The following CSTF2 variants were observed in gnomAD, a reference collection of about 807,000 sequenced individuals.
The protein encoded by CSTF2 is cleavage stimulation factor subunit 2, also known as CF-1 64 kDa subunit.
In CSTF2, 8 loss-of-function variants were observed where a neutral mutation model predicts 45.4. The observed-to-expected ratio is 0.18, with a 90% CI of 0.10 to 0.32. CSTF2 has a LOEUF of 0.32. Among genes scored for constraint, CSTF2 ranks in the 10% least tolerant of loss-of-function variants. The pLI, the probability that CSTF2 is intolerant of heterozygous loss-of-function variation, is 1.00. For missense variants in CSTF2, 253 were observed against 477.1 expected (o/e 0.53, Z 4.38); for synonymous variants, 155 against 158.9 (o/e 0.98, Z 0.18).
intron 11 of CSTF2, among the ~76,000 whole-genome samples, chrX:100,836,475 A>G (rs1278242745): frequency 8.9e-6 from 1 of 112,272 alleles, no homozygotes; most frequent in Non-Finnish European, 1.9e-5. Context: ...TGCTGCTTCT[A>G]ATCTGCTGGG....
rs2084954360 is a variant in CSTF2 at position 100,828,093 on chromosome X, C to T, written c.880C>T (p.Arg294Trp). The T allele has an allele frequency of 5.0e-6, 6 of 1,196,447 alleles. No homozygotes were observed. The highest frequency in any genetic ancestry group is 1.8e-5 in the South Asian group (1 of 54,807). ...MPGSGPVSME[R>W]GQVPMQDPRA... Reference sequence around the variant, plus strand: ...AGGAAGTGGACCAGTGTCCATGGAACGGGGGCAAGGTAAATAAATATTAAT... The same window carrying T: ...AGGAAGTGGACCAGTGTCCATGGAATGGGGGCAAGGTAAATAAATATTAAT... Residue 294 changes from arginine to tryptophan, a missense_variant, in exon 8 of 14, where the codon CGG becomes TGG. Around this residue, in one of 3 missense-constraint regions of CSTF2, gnomAD observed 200 missense variants for 294.0 expected, o/e 0.68. Coordinates refer to ENST00000372972, the MANE Select transcript of CSTF2 (RefSeq NM_001325.3).
intron 6 of CSTF2, among the ~76,000 whole-genome samples, chrX:100,825,735 G>A (rs2084940482): frequency 9.0e-6 from 1 of 111,129 alleles, no homozygotes; most frequent in Admixed American, 9.6e-5. Context: ...ACCAGGCAGT[G>A]AGCCCGATTT....
intron 13 of CSTF2, among the ~76,000 whole-genome samples, chrX:100,839,738 T>TA (rs1258841100): frequency 1.8e-5 from 2 of 111,608 alleles, no homozygotes; most frequent in African/African-American, 6.5e-5. Flanking sequence ...GACTACCTAT[T>TA]ACATTCAGAG....
In CSTF2 at chrX:100,838,874, G is replaced by A. The variant is rs144795909; in HGVS notation, c.*3+510G>A. Among the ~76,000 whole-genome samples the A allele has an allele frequency of 3.2e-3, 358 of 110,847 alleles. 7 individuals are homozygous for A. The East Asian group carries it at 0.068, about 21-fold the overall frequency. On this transcript the variant is annotated intron_variant, in intron 13 of 13. Coordinates refer to ENST00000372972, the MANE Select transcript of CSTF2 (RefSeq NM_001325.3). ...ACATAATTTAAGGTAGTAAATGTCC[G>A]TCATCACCATCAGTTTCTATATATT...
intron 8 of CSTF2, among the ~76,000 whole-genome samples, chrX:100,830,142 G>A (rs2084966741): frequency 8.9e-6 from 1 of 112,140 alleles, no homozygotes; most frequent in African/African-American, 3.2e-5. Flanking sequence ...TGTTTGTTTA[G>A]TGTCGGTTCC....
At chrX:100,830,747 T>A in intron 8 of CSTF2, 1 of 850,577 alleles carries the variant, frequency 1.2e-6, no homozygotes, top group Non-Finnish European at 1.7e-6. Flanking sequence ...TGTTTCTGCG[T>A]GTGTATGCAA....
chrX:100,837,516 T>C, intron 12 of CSTF2, 67 bp downstream of exon 12: 1 of 742,438 alleles, frequency 1.3e-6, no homozygotes. Flanking sequence ...CTTTTCACAG[T>C]TACCATGTGA....
At position 100,824,238 on chromosome X, in the gene CSTF2, C is replaced by G. The variant is rs150166686; in HGVS notation, c.683C>G (p.Ala228Gly). The G allele has an allele frequency of 3.8e-3, 4,545 of 1,207,850 alleles. 7 individuals are homozygous for G. Among genetic ancestry groups the G allele is most frequent in the Non-Finnish European group, 4.5e-3 (4,019 of 894,190 alleles). ...NVSMNQQNPQ[A>G]PQAQSLGGMH... ...TCAATGAACCAGCAGAATCCTCAGGCCCCTCAGGCCCAGTCTTTGGTAGGG... is the reference window on the plus strand; with the variant it reads ...TCAATGAACCAGCAGAATCCTCAGGGCCCTCAGGCCCAGTCTTTGGTAGGG... The change falls in exon 6 of 14, where the codon GCC becomes GGC. Residue 228 changes from alanine to glycine, a missense_variant. Transcript: ENST00000372972.
rs376294053 is a variant in CSTF2 at position 100,838,228 on chromosome X, C to G, written c.1612-11C>G. On this transcript the variant is annotated splice_polypyrimidine_tract_variant and intron_variant, in intron 12 of 13. Coordinates refer to ENST00000372972, the MANE Select transcript of CSTF2 (RefSeq NM_001325.3). ...TTAAAACTCACTACCTTTTTTTTTT[C>G]CTCTGCACAGGCTGCTTTGATTATG... 33 of 1,110,430 alleles carry G rather than the reference C, an allele frequency of 3.0e-5. No individual in the cohort carries two copies. Among genetic ancestry groups the G allele is most frequent in the Non-Finnish European group, 3.4e-5 (29 of 845,328 alleles). 91.5% of individuals were successfully genotyped at this position (1,110,430 alleles called of 1,213,427 possible). A position where few individuals can be genotyped will look rare whatever the true frequency, so the allele number is the denominator to read the frequency against.
At chrX:100,837,802 T>C in intron 12 of CSTF2, among the ~76,000 whole-genome samples, 1 of 111,650 alleles carries the variant, frequency 9.0e-6, no homozygotes, top group Non-Finnish European at 1.9e-5. Flanking sequence ...TCCCCATGAT[T>C]ATATCTTTCT....
intron 2 of CSTF2, among the ~76,000 whole-genome samples, chrX:100,821,833 C>T (rs1318091797): frequency 8.9e-6 from 1 of 112,172 alleles, no homozygotes. Flanking sequence ...GTGACTCAAG[C>T]CTGTAATCCC....
chrX:100,828,033 C>A lies in CSTF2; in HGVS notation c.827-7C>A. On this transcript the variant is annotated splice_region_variant and splice_polypyrimidine_tract_variant and intron_variant, in intron 7 of 13. Coordinates refer to ENST00000372972, the MANE Select transcript of CSTF2 (RefSeq NM_001325.3). ...GTGTTTTTTCTTGTCTGCCCTTTAT[C>A]TTCTAGGAGGAATGCAGGCTCAGGT... 1 of 1,204,354 alleles carries A rather than the reference C, an allele frequency of 8.3e-7. No individual in the cohort carries two copies.
intron 8 of CSTF2, among the ~76,000 whole-genome samples, chrX:100,828,395 A>C (rs1319550786): frequency 8.9e-6 from 1 of 111,903 alleles, no homozygotes; most frequent in Non-Finnish European, 1.9e-5. Context: ...GGTGATTCAG[A>C]GTCCAGCTCT....
chrX:100,824,944 T>C (rs2084936667), intron 6 of CSTF2, among the ~76,000 whole-genome samples: 1 of 112,304 alleles, frequency 8.9e-6, no homozygotes, highest in African/African-American at 3.2e-5. Flanking sequence ...ATGAATGACT[T>C]TGAAAAACAT....
chrX:100,826,852 G>A, intron 7 of CSTF2, 95 bp downstream of exon 7: 1 of 886,282 alleles, frequency 1.1e-6, no homozygotes, highest in Non-Finnish European at 1.6e-6. Flanking sequence ...GGGATCCTTA[G>A]GTAAAATTAA....
At position 100,822,403 on chromosome X, in the gene CSTF2, A is replaced by G. The variant is rs775829268; in HGVS notation, c.290A>G (p.Asn97Ser). The change falls in exon 3 of 14, where the codon AAC becomes AGC. Residue 97 changes from asparagine to serine, a missense_variant. Physicochemically the swap from Asn to Ser is conservative, Grantham distance 46. Transcript: ENST00000372972. ...GTGGACAATGCTGCCAGTGAAAAGAACAAAGAAGAGCTGAAGAGTGAGTAC... is the reference window on the plus strand; with the variant it reads ...GTGGACAATGCTGCCAGTGAAAAGAGCAAAGAAGAGCTGAAGAGTGAGTAC... ...LRVDNAASEK[N>S]KEELKSLGTG... 2 of 1,211,599 alleles carry G rather than the reference A, an allele frequency of 1.7e-6. No individual in the cohort carries two copies. Among genetic ancestry groups the G allele is most frequent in the South Asian group, 3.5e-5 (2 of 56,973 alleles).
chrX:100,829,917 G>A (rs977587575), intron 8 of CSTF2, among the ~76,000 whole-genome samples: 3 of 112,246 alleles, frequency 2.7e-5, no homozygotes, highest in Non-Finnish European at 5.6e-5. Context: ...TTGGCAAAGG[G>A]AAGTGACTCA....
chrX:100,824,038 C>G (rs767973457), intron 5 of CSTF2, 33 bp downstream of exon 5: 1 of 1,209,265 alleles, frequency 8.3e-7, no homozygotes, highest in Admixed American at 2.2e-5. Flanking sequence ...TGGAAATGGT[C>G]GGGTAAACCT....
chrX:100,836,274 T>C (rs1026388954), intron 11 of CSTF2, among the ~76,000 whole-genome samples: 3 of 112,357 alleles, frequency 2.7e-5, no homozygotes, highest in Admixed American at 1.9e-4. Context: ...TACAAAAAAA[T>C]AGTTTAATCA....
Sources: allele counts gnomAD v4.1 joint callset (sites outside exome capture counted in the v4.1 genomes callset), GRCh38; gene constraint gnomAD v4.1.1; regional missense constraint gnomAD v4.1.1; transcripts MANE v1.5; gene names NCBI Gene and HGNC (gene_info 2026-07-23, HGNC 2026-07-21).